Variants in DIAPH2 observed in about 807,000 individuals in gnomAD.
The protein encoded by DIAPH2 is protein diaphanous homolog 2.
A neutral mutation model predicts 92.7 loss-of-function variants in DIAPH2; 35 were observed. That is an observed-to-expected ratio of 0.38 (90% CI 0.29 to 0.50). The LOEUF is 0.50. Among genes scored for constraint, DIAPH2 ranks in the 20% least tolerant of loss-of-function variants. DIAPH2 has a pLI of 0.94. For synonymous variants in DIAPH2, 301 were observed against 280.4 expected (o/e 1.07, Z -0.73); for missense variants, 701 against 819.5 (o/e 0.86, Z 1.77).
intron 26 of DIAPH2, among the ~76,000 whole-genome samples, chrX:97,486,411 A>T (rs757385880): frequency 4.1e-4 from 46 of 111,745 alleles, no homozygotes; most frequent in Non-Finnish European, 7.5e-4. Flanking sequence ...TTCTCGTGCT[A>T]GAGAAAAAGA....
chrX:96,714,575 T>C (rs1352533073), intron 1 of DIAPH2, among the ~76,000 whole-genome samples: 1 of 111,881 alleles, frequency 8.9e-6, no homozygotes, highest in African/African-American at 3.3e-5. Context: ...GTGTGTAATA[T>C]GTTAATGTCT....
At chrX:96,776,154 G>A (rs1354970968) in intron 4 of DIAPH2, among the ~76,000 whole-genome samples, 2 of 111,331 alleles carry the variant, frequency 1.8e-5, no homozygotes, top group African/African-American at 6.5e-5. Context: ...ATCTAAATAT[G>A]AAAATATTTG....
chrX:97,050,157 G>A (rs1270238468), intron 17 of DIAPH2, among the ~76,000 whole-genome samples: 1 of 111,322 alleles, frequency 9.0e-6, no homozygotes, highest in Non-Finnish European at 1.9e-5. Context: ...GTCTCAAAAT[G>A]TATTCTTCCT....
intron 17 of DIAPH2, among the ~76,000 whole-genome samples, chrX:97,015,787 G>GAAAA (rs397966972): frequency 6.0e-5 from 2 of 33,603 alleles, no homozygotes; most frequent in African/African-American, 1.1e-4. Flanking sequence ...GACGCCATCT[G>GAAAA]AAAAAAAAAA....
chrX:97,601,532 T>C lies in DIAPH2; in HGVS notation c.*2215T>C, dbSNP rs765684361. 21 of 111,690 alleles carry C rather than the reference T, an allele frequency of 1.9e-4. No homozygotes were observed. The highest frequency in any genetic ancestry group is 6.8e-4 in the African/African-American group (21 of 30,711). 9.2% of individuals were successfully genotyped at this position (111,690 alleles called of 1,213,427 possible). A position where few individuals can be genotyped will look rare whatever the true frequency, so the allele number is the denominator to read the frequency against. ...TTGTTTCCCAGATTTGTAATGGTCC[T>C]GCTCTAGCCATTTGCAGTTTTGTTT... On this transcript the variant is annotated 3_prime_UTR_variant, in exon 27 of 27. Coordinates refer to ENST00000324765, the MANE Select transcript of DIAPH2 (RefSeq NM_006729.5).
chrX:96,930,271 GTAA>G (rs2065610891), intron 9 of DIAPH2, among the ~76,000 whole-genome samples: 1 of 110,540 alleles, frequency 9.0e-6, no homozygotes, highest in Non-Finnish European at 1.9e-5. Context: ...TTAAATCAAT[GTAA>G]TAATTTATCT....
intron 21 of DIAPH2, 132 bp downstream of exon 21, chrX:97,115,097 A>G: frequency 1.9e-6 from 1 of 538,879 alleles, no homozygotes; most frequent in Non-Finnish European, 2.8e-6. Flanking sequence ...TGGGATGCGA[A>G]TTATATCTCA....
chrX:97,520,641 T>G (rs2070984464), intron 26 of DIAPH2, among the ~76,000 whole-genome samples: 1 of 112,298 alleles, frequency 8.9e-6, no homozygotes, highest in Admixed American at 9.4e-5. Context: ...AAAGGCCCAT[T>G]AAAGTTAAAT....
At chrX:97,493,407 A>T (rs983658796) in intron 26 of DIAPH2, among the ~76,000 whole-genome samples, 3 of 110,231 alleles carry the variant, frequency 2.7e-5, no homozygotes, top group African/African-American at 9.9e-5. Flanking sequence ...GATTACAGGC[A>T]TGCGCCACCA....
intron 26 of DIAPH2, among the ~76,000 whole-genome samples, chrX:97,555,922 A>T: frequency 8.9e-6 from 1 of 111,905 alleles, no homozygotes; most frequent in Non-Finnish European, 1.9e-5. Flanking sequence ...AATCGCAGTT[A>T]CTCTACCATT....
At chrX:97,456,311 T>C (rs1044289795) in intron 26 of DIAPH2, among the ~76,000 whole-genome samples, 3 of 108,475 alleles carry the variant, frequency 2.8e-5, no homozygotes, top group East Asian at 2.9e-4. Flanking sequence ...GGCGTGAACC[T>C]GGGAGGCGGA....
intron 5 of DIAPH2, among the ~76,000 whole-genome samples, chrX:96,901,069 G>A (rs1358219682): frequency 9.0e-6 from 1 of 111,648 alleles, no homozygotes; most frequent in Admixed American, 9.5e-5. Flanking sequence ...GTAGAATTCA[G>A]TTGTGAGTCC....
intron 26 of DIAPH2, among the ~76,000 whole-genome samples, chrX:97,477,408 T>G: frequency 9.0e-6 from 1 of 111,350 alleles, no homozygotes; most frequent in East Asian, 2.8e-4. Flanking sequence ...GTGGATCACC[T>G]GAGGTCAGGA....
chrX:96,860,282 G>A (rs1378062308), intron 4 of DIAPH2, among the ~76,000 whole-genome samples: 1 of 111,997 alleles, frequency 8.9e-6, no homozygotes, highest in African/African-American at 3.2e-5. Context: ...TAGTATCCAT[G>A]CACTGCATAG....
chrX:97,080,288 T>C (rs2066733159), intron 19 of DIAPH2, among the ~76,000 whole-genome samples: 1 of 107,685 alleles, frequency 9.3e-6, no homozygotes, highest in South Asian at 4.5e-4. Context: ...CCTTCTTTTC[T>C]TCCTTCCTTC....
At chrX:97,201,304 G>T (rs757103225) in intron 22 of DIAPH2, among the ~76,000 whole-genome samples, 1 of 109,017 alleles carries the variant, frequency 9.2e-6, no homozygotes, top group East Asian at 3.0e-4. Flanking sequence ...CACAAAACTG[G>T]ACGGAGGATG....
chrX:97,549,235 A>G (rs773052329), intron 26 of DIAPH2, among the ~76,000 whole-genome samples: 154 of 112,136 alleles, frequency 1.4e-3, no homozygotes, highest in African/African-American at 4.5e-3. Flanking sequence ...TTAAAGTTTC[A>G]GGTTGAAATT....
intron 26 of DIAPH2, among the ~76,000 whole-genome samples, chrX:97,556,279 T>C (rs2071256362): frequency 8.9e-6 from 1 of 112,114 alleles, no homozygotes; most frequent in Non-Finnish European, 1.9e-5. Context: ...ATAGAGTCTC[T>C]ACTGAGTAAA....
At chrX:97,545,530 A>AT (rs2071173670) in intron 26 of DIAPH2, among the ~76,000 whole-genome samples, 3 of 18,305 alleles carry the variant, frequency 1.6e-4, no homozygotes, top group African/African-American at 2.3e-4. Context: ...ATGAAAAAAA[A>AT]AAAATATATA....
Sources: allele counts gnomAD v4.1 joint callset (sites outside exome capture counted in the v4.1 genomes callset), GRCh38; gene constraint gnomAD v4.1.1; transcripts MANE v1.5; gene names NCBI Gene and HGNC (gene_info 2026-07-23, HGNC 2026-07-21).